Variants in ARHGEF28 observed in about 807,000 individuals in gnomAD.
The protein encoded by ARHGEF28 is Rho guanine nucleotide exchange factor 28.
ARHGEF28 carries 152 observed loss-of-function variants against 206.6 expected under a neutral mutation model. The ratio of observed to expected loss-of-function variants is 0.74; its 90% CI spans 0.64 to 0.84. The LOEUF (loss-of-function observed/expected upper bound fraction) is 0.84. ARHGEF28 is among the 40% of genes least tolerant of loss of function. The pLI, the probability that ARHGEF28 is intolerant of heterozygous loss-of-function variation, is 0.00. For synonymous variants in ARHGEF28, 763 were observed against 776.4 expected, an observed-to-expected ratio of 0.98 and a Z score of 0.29; for missense variants, 2,028 against 2,073.2, an observed-to-expected ratio of 0.98 and a Z score of 0.42.
intron 4 of ARHGEF28, among the ~76,000 whole-genome samples, chr5:73,757,796 G>A (rs1561382939): frequency 6.6e-6 from 1 of 151,992 alleles, no homozygotes; most frequent in South Asian, 2.1e-4. Context: ...CCTTGTGCAG[G>A]GTCTCAGAAG....
chr5:73,866,805 C>T (rs1047804353), intron 18 of ARHGEF28, among the ~76,000 whole-genome samples: 8 of 152,144 alleles, frequency 5.3e-5, no homozygotes, highest in African/African-American at 1.4e-4. Context: ...GATTTTGTGA[C>T]GCCTTCTGCC....
chr5:73,795,231 A>G (rs1754731254), intron 8 of ARHGEF28, 100 bp from the exon 9 acceptor site: 5 of 1,061,444 alleles, frequency 4.7e-6, no homozygotes, highest in African/African-American at 1.6e-5. Context: ...ACATGTTTTC[A>G]TTGATGCTTT....
chr5:73,831,768 C>T (rs1298595693), intron 9 of ARHGEF28, among the ~76,000 whole-genome samples: 3 of 152,342 alleles, frequency 2.0e-5, no homozygotes, highest in East Asian at 1.9e-4. Flanking sequence ...CTCGGCTCAC[C>T]GCAACGTCCA....
At chr5:73,919,801 G>T (rs1763419202) in intron 35 of ARHGEF28, among the ~76,000 whole-genome samples, 1 of 152,088 alleles carries the variant, frequency 6.6e-6, no homozygotes. Flanking sequence ...GTTAGTTCTG[G>T]AGAAACTGAT....
rs764033663 is a variant in ARHGEF28, at chr5:73,852,671, C to T, written c.1769C>T (p.Ser590Leu). The T allele has an allele frequency of 7.6e-5, 122 of 1,613,470 alleles. No individual in the cohort carries two copies. The highest frequency in any genetic ancestry group is 2.8e-4 in the Admixed American group (17 of 59,974). ...GTAGAGCAAAGAGCTTACAGCTTATCGGAGCCACCAAGAGAAAACAGGTAC... is the reference window on the plus strand; with the variant it reads ...GTAGAGCAAAGAGCTTACAGCTTATTGGAGCCACCAAGAGAAAACAGGTAC... ...SSEEQRAYSL[S>L]EPPRENRIQE... The change falls in exon 14 of 36, where the codon TCG becomes TTG. Residue 590 changes from serine to leucine, a missense_variant. Ser to Leu is a moderately radical substitution (Grantham distance 145). Transcript: ENST00000513042.
At chr5:73,879,332 T>G (rs1477935095) in intron 22 of ARHGEF28, among the ~76,000 whole-genome samples, 3 of 152,174 alleles carry the variant, frequency 2.0e-5, no homozygotes, top group African/African-American at 4.8e-5. Flanking sequence ...TCGTCTAAAT[T>G]TTTTTCAAAG....
At chr5:73,792,994 C>T (rs747956809) in intron 7 of ARHGEF28, among the ~76,000 whole-genome samples, 3 of 152,186 alleles carry the variant, frequency 2.0e-5, no homozygotes, top group Non-Finnish European at 4.4e-5. Context: ...CACAAGCTGC[C>T]TGGGCTGGGT....
intron 35 of ARHGEF28, among the ~76,000 whole-genome samples, chr5:73,921,423 C>T (rs1174494612): frequency 6.6e-6 from 1 of 152,178 alleles, no homozygotes; most frequent in East Asian, 1.9e-4. Flanking sequence ...CGATAAATCA[C>T]TGTTGAGTTT....
In ARHGEF28 at chr5:73,817,023, C is replaced by T. The variant is rs186542488; in HGVS notation, c.1025-15315C>T. On this transcript the variant is annotated intron_variant, in intron 9 of 35. Coordinates refer to ENST00000513042, the MANE Select transcript of ARHGEF28 (RefSeq NM_001177693.2). ...ATCAAGAAATGTATTGCTTATTAAT[C>T]AACGATTGAAAAATACAGGAATTAG... Among the ~76,000 whole-genome samples the T allele has an allele frequency of 7.9e-5, 12 of 152,218 alleles. No individual in the cohort carries two copies. In the East Asian group the frequency reaches 2.3e-3, roughly 29 times the overall value.
intron 30 of ARHGEF28, chr5:73,899,306 C>T (rs1026906952): frequency 3.3e-5 from 5 of 152,164 alleles, no homozygotes; most frequent in African/African-American, 4.8e-5. Flanking sequence ...CTCTCAGCCT[C>T]GCCCCAGGGA....
rs1758781676 is a variant in ARHGEF28 at position 73,852,712 on chromosome 5, T to A, written c.1790+20T>A. The stretch of plus-strand genomic sequence containing the variant: ...AAACAGGTACTTTTAACTATTCCAA[T>A]TTTCCTGAGGAACTGCATGATCCTT... On this transcript the variant is annotated intron_variant, in intron 14 of 35. Coordinates refer to ENST00000513042, the MANE Select transcript of ARHGEF28 (RefSeq NM_001177693.2). 4 of 1,611,910 alleles carry A rather than the reference T, an allele frequency of 2.5e-6. No homozygotes were observed. In the African/African-American group the frequency reaches 5.3e-5, roughly 22 times the overall value.
chr5:73,699,073 GAGA>G (rs2112280834), intron 2 of ARHGEF28, among the ~76,000 whole-genome samples: 1 of 152,252 alleles, frequency 6.6e-6, no homozygotes, highest in Non-Finnish European at 1.5e-5. Context: ...TTTGAGTGTA[GAGA>G]AGAACATCAA....
Position 73,865,995 on chromosome 5 carries a change from C to T in ARHGEF28, c.2134C>T (p.Pro712Ser). The T allele has an allele frequency of 6.2e-7, 1 of 1,604,816 alleles. No individual in the cohort carries two copies. Among genetic ancestry groups the T allele is most frequent in the Non-Finnish European group, 8.5e-7 (1 of 1,174,450 alleles). ...KFQEKYNKNK[P>S]QTILGNSSFR... is the part of the protein sequence containing the mutation. The stretch of plus-strand genomic sequence containing the variant: ...CCAAGAGAAATATAACAAGAACAAA[C>T]CACAGACCATCCTTGGAAGTAAGTG... Residue 712 changes from proline (P) to serine (S), a missense_variant, in exon 18 of 36, where the codon CCA becomes TCA. Transcript: ENST00000513042.
At chr5:73,814,610 A>G (rs966107746) in intron 9 of ARHGEF28, among the ~76,000 whole-genome samples, 4 of 152,086 alleles carry the variant, frequency 2.6e-5, no homozygotes, top group Non-Finnish European at 4.4e-5. Context: ...GAACATTTTC[A>G]TAAGCTTACA....
chr5:73,667,790 T>G (rs936356685), intron 1 of ARHGEF28, among the ~76,000 whole-genome samples: 1 of 152,242 alleles, frequency 6.6e-6, no homozygotes, highest in Non-Finnish European at 1.5e-5. Context: ...GCTTGAATAT[T>G]ATGCAGCACT....
chr5:73,926,948 C>T (rs1438963126), intron 35 of ARHGEF28, among the ~76,000 whole-genome samples: 1 of 152,216 alleles, frequency 6.6e-6, no homozygotes, highest in Non-Finnish European at 1.5e-5. Flanking sequence ...GATCCTTGCT[C>T]TTGATGGCCG....
At chr5:73,694,168 A>G (rs950286654) in intron 2 of ARHGEF28, among the ~76,000 whole-genome samples, 2 of 152,200 alleles carry the variant, frequency 1.3e-5, no homozygotes, top group African/African-American at 2.4e-5. Context: ...TTCTCTCAAT[A>G]CAATGCCACT....
intron 2 of ARHGEF28, among the ~76,000 whole-genome samples, chr5:73,704,803 A>T (rs551599944): frequency 1.1e-4 from 17 of 152,178 alleles, no homozygotes; most frequent in Non-Finnish European, 1.9e-4. Flanking sequence ...CTCATCATAC[A>T]GTTGTTAAAC....
At chr5:73,720,102 A>G (rs150508672) in intron 2 of ARHGEF28, among the ~76,000 whole-genome samples, 1,861 of 152,376 alleles carry the variant, frequency 0.012, 21 homozygotes, top group Admixed American at 0.022. Context: ...GAGTTAATGT[A>G]TATTAAGGTG....
Sources: allele counts gnomAD v4.1 joint callset (sites outside exome capture counted in the v4.1 genomes callset), GRCh38; gene constraint gnomAD v4.1.1; transcripts MANE v1.5; gene names NCBI Gene and HGNC (gene_info 2026-07-23, HGNC 2026-07-21).